Variants in CD86 observed in about 807,000 individuals in gnomAD.
The protein encoded by CD86 is T-lymphocyte activation antigen CD86.
CD86 carries 11 observed loss-of-function variants against 32.1 expected under a neutral mutation model. The ratio of observed to expected loss-of-function variants is 0.34; its 90% confidence interval spans 0.22 to 0.57. CD86 has a LOEUF of 0.57. Among genes scored for constraint, CD86 ranks in the 20% least tolerant of loss-of-function variants. The pLI is 0.86. For synonymous variants in CD86, 137 were observed against 135.3 expected (o/e 1.01, Z -0.09); for missense variants, 359 against 398.4 (o/e 0.90, Z 0.84).
chr3:122,058,215 G>A (rs1194553322), intron 1 of CD86, among the ~76,000 whole-genome samples: 4 of 152,158 alleles, frequency 2.6e-5, no homozygotes, highest in Non-Finnish European at 5.9e-5. Flanking sequence ...GAACAGAATG[G>A]AGGAAGGTTT....
intron 1 of CD86, among the ~76,000 whole-genome samples, chr3:122,075,759 T>C (rs1343371451): frequency 6.6e-6 from 1 of 152,196 alleles, no homozygotes; most frequent in African/African-American, 2.4e-5. Context: ...TCTTTACTCC[T>C]TTTAATATCA....
At chr3:122,069,283 A>T (rs1046939421) in intron 1 of CD86, among the ~76,000 whole-genome samples, 6 of 105,944 alleles carry the variant, frequency 5.7e-5, no homozygotes, top group African/African-American at 1.2e-4. Flanking sequence ...GAAGGAAATT[A>T]AAAAAAAAAA....
chr3:122,100,530 G>A (rs2072982424), intron 2 of CD86, among the ~76,000 whole-genome samples: 1 of 152,166 alleles, frequency 6.6e-6, no homozygotes, highest in Non-Finnish European at 1.5e-5. Flanking sequence ...GTACAGATAA[G>A]CATAGGAACA....
At chr3:122,117,031 C>A (rs2073264266) in intron 5 of CD86, among the ~76,000 whole-genome samples, 1 of 152,022 alleles carries the variant, frequency 6.6e-6, no homozygotes, top group Non-Finnish European at 1.5e-5. Context: ...ATTAATTATA[C>A]CTCCATAAAG....
intron 1 of CD86, among the ~76,000 whole-genome samples, chr3:122,069,100 T>G (rs2072454468): frequency 6.6e-6 from 1 of 152,152 alleles, no homozygotes; most frequent in African/African-American, 2.4e-5. Flanking sequence ...TTGTATAATG[T>G]TGAACATCTT....
chr3:122,110,311 G>A (rs990471158), intron 5 of CD86, among the ~76,000 whole-genome samples: 8 of 152,156 alleles, frequency 5.3e-5, no homozygotes, highest in African/African-American at 1.9e-4. Flanking sequence ...TTATAAAAAT[G>A]TTTCATGGGG....
At chr3:122,115,408 T>C (rs1192435637) in intron 5 of CD86, among the ~76,000 whole-genome samples, 1 of 152,162 alleles carries the variant, frequency 6.6e-6, no homozygotes, top group Non-Finnish European at 1.5e-5. Context: ...ATCAGAAGAC[T>C]AGATGTTAAG....
At chr3:122,107,727 T>C (rs2073114166) in intron 4 of CD86, among the ~76,000 whole-genome samples, 1 of 152,196 alleles carries the variant, frequency 6.6e-6, no homozygotes, top group African/African-American at 2.4e-5. Flanking sequence ...CTCCATACCC[T>C]GGCTTTGTCA....
chr3:122,057,078 A>G (rs1051623614), intron 1 of CD86, among the ~76,000 whole-genome samples: 9 of 152,258 alleles, frequency 5.9e-5, no homozygotes, highest in Non-Finnish European at 1.2e-4. Flanking sequence ...GATAAATATT[A>G]AGTTTTAAAA....
At chr3:122,088,102 A>G (rs2072753662) in intron 1 of CD86, among the ~76,000 whole-genome samples, 1 of 151,470 alleles carries the variant, frequency 6.6e-6, no homozygotes, top group Non-Finnish European at 1.5e-5. Flanking sequence ...GTCTTTGGTT[A>G]GGTCGAACAT....
At chr3:122,114,494 A>C (rs2073221265) in intron 5 of CD86, among the ~76,000 whole-genome samples, 1 of 152,184 alleles carries the variant, frequency 6.6e-6, no homozygotes, top group Non-Finnish European at 1.5e-5. Flanking sequence ...TGATTGCTCT[A>C]GTTTGCTGCC....
At chr3:122,108,600 A>G (rs551328545) in intron 4 of CD86, among the ~76,000 whole-genome samples, 1 of 152,224 alleles carries the variant, frequency 6.6e-6, no homozygotes, top group East Asian at 1.9e-4. Context: ...CTGTTTTCCA[A>G]CTCCCCAGAA....
chr3:122,108,065 G>A (rs962475102), intron 4 of CD86, among the ~76,000 whole-genome samples: 1 of 152,174 alleles, frequency 6.6e-6, no homozygotes, highest in Non-Finnish European at 1.5e-5. Flanking sequence ...CCTCTGTTAC[G>A]GCTCCCATAG....
At chr3:122,066,962 G>A (rs2072422399) in intron 1 of CD86, among the ~76,000 whole-genome samples, 1 of 152,150 alleles carries the variant, frequency 6.6e-6, no homozygotes, top group South Asian at 2.1e-4. Flanking sequence ...GATCTGCAAG[G>A]AAGAGTAGAG....
At chr3:122,118,169 C>G (rs185834979) in intron 6 of CD86, 76 bp downstream of exon 6, 2 of 1,241,726 alleles carry the variant, frequency 1.6e-6, no homozygotes, top group East Asian at 2.4e-5. Flanking sequence ...TAGGCTTATG[C>G]CTAACATATG....
chr3:122,059,393 C>T (rs1375564944), intron 1 of CD86, among the ~76,000 whole-genome samples: 1 of 151,902 alleles, frequency 6.6e-6, no homozygotes, highest in Admixed American at 6.6e-5. Context: ...AAAGTGGTGT[C>T]ATAGAAATCA....
chr3:122,071,205 A>G (rs2072484067), intron 1 of CD86, among the ~76,000 whole-genome samples: 1 of 152,128 alleles, frequency 6.6e-6, no homozygotes, highest in African/African-American at 2.4e-5. Context: ...ACAAATACAC[A>G]ATGTCATGTA....
intron 3 of CD86, among the ~76,000 whole-genome samples, chr3:122,105,948 C>T (rs1347512265): frequency 6.6e-6 from 1 of 152,148 alleles, no homozygotes; most frequent in Non-Finnish European, 1.5e-5. Context: ...TACAGCCCTC[C>T]TGTCACTTAG....
chr3:122,079,834 C>T (rs1393567329), intron 1 of CD86, among the ~76,000 whole-genome samples: 1 of 152,176 alleles, frequency 6.6e-6, no homozygotes, highest in Non-Finnish European at 1.5e-5. Flanking sequence ...CGTTCCCTAT[C>T]GGTCCTCCTT....
Sources: gnomAD v4.1 joint callset for allele counts (sites outside exome capture counted in the v4.1 genomes callset) on GRCh38, gnomAD v4.1.1 for gene constraint, MANE v1.5 for transcripts, NCBI Gene and HGNC (gene_info 2026-07-23, HGNC 2026-07-21) for gene names.